The following SLC20A2 variants were observed in gnomAD, a reference collection of about 807,000 sequenced individuals.
SLC20A2 encodes solute carrier family 20 member 2, also known as sodium-dependent phosphate transporter 2.
In SLC20A2, 30 loss-of-function variants were observed where a neutral mutation model predicts 61.0. That is an observed-to-expected ratio of 0.49 (90% CI 0.37 to 0.67). The LOEUF (loss-of-function observed/expected upper bound fraction) is 0.67, where lower values mean the gene tolerates loss of function less well. Ranked by LOEUF, SLC20A2 falls within the 30% of genes least tolerant of loss-of-function variation. The pLI is 0.00. For missense variants in SLC20A2, 626 were observed against 866.4 expected (o/e 0.72, Z 3.48); for synonymous variants, 351 against 353.3 (o/e 0.99, Z 0.07).
chr8:42,424,027 A>G (rs1803223270), intron 10 of SLC20A2, among the ~76,000 whole-genome samples: 1 of 152,352 alleles, frequency 6.6e-6, no homozygotes, highest in Non-Finnish European at 1.5e-5. Context: ...ATCATCATCT[A>G]TGTCATCAGT....
intron 1 of SLC20A2, among the ~76,000 whole-genome samples, chr8:42,508,995 C>T (rs148996663): frequency 2.7e-3 from 405 of 152,322 alleles, no homozygotes; most frequent in African/African-American, 9.3e-3. Flanking sequence ...TACTTTCTCA[C>T]TGTGCCTTCA....
intron 1 of SLC20A2, among the ~76,000 whole-genome samples, chr8:42,527,745 G>C (rs1812067990): frequency 6.6e-6 from 1 of 151,800 alleles, no homozygotes; most frequent in Non-Finnish European, 1.5e-5. Flanking sequence ...TCCAGCTTGG[G>C]CAACAAGAGC....
upstream of SLC20A2, among the ~76,000 whole-genome samples, chr8:42,505,751 C>T (rs1810646592): frequency 6.6e-6 from 1 of 151,848 alleles, no homozygotes; most frequent in African/African-American, 2.4e-5. Flanking sequence ...CTTAGCCGGG[C>T]ACGGTCACAC....
intron 1 of SLC20A2, among the ~76,000 whole-genome samples, chr8:42,533,904 C>T (rs2131445807): frequency 6.6e-6 from 1 of 151,200 alleles, no homozygotes; most frequent in East Asian, 2.0e-4. Flanking sequence ...GTGATCTGCC[C>T]ACCTCGGCCT....
chr8:42,429,026 T>C lies in SLC20A2; in HGVS notation c.1710-184A>G, dbSNP rs183894152. Among the ~76,000 whole-genome samples, 279 of 152,290 alleles carry C rather than the reference T, an allele frequency of 1.8e-3. 1 individual carries two copies. Among genetic ancestry groups the C allele is most frequent in the African/African-American group, 6.4e-3 (267 of 41,558 alleles). Reference sequence around the variant, plus strand: ...ACAGCAATTCCCACCAAGGCTGCATTTTCCTGTGCATGGGCCCTCAGCAGC... The same window carrying C: ...ACAGCAATTCCCACCAAGGCTGCATCTTCCTGTGCATGGGCCCTCAGCAGC... On this transcript the variant is annotated intron_variant, in intron 9 of 10. Coordinates refer to ENST00000520262, the MANE Select transcript of SLC20A2 (RefSeq NM_001257180.2).
rs980801070 is a variant in SLC20A2 at position 42,520,870 on chromosome 8, G to A, written c.-265+20951C>T. ...CATTAAAAGGGATTCATTAAGAAAA[G>A]AAAATAATATTTGAGTACGTGTTGT... On this transcript the variant is annotated intron_variant, in intron 1 of 10. Transcript: ENST00000342228. Among the ~76,000 whole-genome samples the A allele has an allele frequency of 1.7e-5, 2 of 121,058 alleles. 1 individual carries two copies. The highest frequency in any genetic ancestry group is 4.0e-5 in the Non-Finnish European group (2 of 50,388). 79.4% of individuals were successfully genotyped at this position (121,058 alleles called of 152,430 possible).
intron 7 of SLC20A2, among the ~76,000 whole-genome samples, chr8:42,438,074 A>AAC (rs1804469424): frequency 6.8e-6 from 1 of 146,048 alleles, no homozygotes; most frequent in Non-Finnish European, 1.5e-5. Flanking sequence ...AAAAAAAAAA[A>AAC]AAAAAAAAAA....
chr8:42,467,770 C>T (rs533968758), intron 2 of SLC20A2, among the ~76,000 whole-genome samples: 5 of 152,270 alleles, frequency 3.3e-5, no homozygotes, highest in East Asian at 3.9e-4. Context: ...TCCATGGCAG[C>T]GCCAGGCCTA....
chr8:42,450,127 G>A (rs1805522804), intron 5 of SLC20A2, among the ~76,000 whole-genome samples: 1 of 151,838 alleles, frequency 6.6e-6, no homozygotes, highest in South Asian at 2.1e-4. Context: ...AAACAACTTA[G>A]TTGAGAAAAT....
At chr8:42,512,964 A>T (rs1811112929) in intron 1 of SLC20A2, among the ~76,000 whole-genome samples, 1 of 152,230 alleles carries the variant, frequency 6.6e-6, no homozygotes, top group Admixed American at 6.5e-5. Context: ...AGGAACGAAT[A>T]ACACAAAACA....
At chr8:42,494,541 T>C (rs1003896892) in intron 1 of SLC20A2, among the ~76,000 whole-genome samples, 2 of 152,206 alleles carry the variant, frequency 1.3e-5, no homozygotes, top group African/African-American at 4.8e-5. Context: ...CATACATAGG[T>C]GTGCCTTGCT....
chr8:42,537,350 G>A (rs1409962165), intron 1 of SLC20A2, among the ~76,000 whole-genome samples: 5 of 133,780 alleles, frequency 3.7e-5, no homozygotes, highest in Admixed American at 1.7e-4. Flanking sequence ...TAACCCGGGC[G>A]ACAGAGTGAG....
At chr8:42,496,760 T>C (rs972933958) in intron 1 of SLC20A2, among the ~76,000 whole-genome samples, 5 of 152,340 alleles carry the variant, frequency 3.3e-5, no homozygotes, top group African/African-American at 9.6e-5. Flanking sequence ...TCTATGTTGC[T>C]TCCTGCTCCT....
rs1807718494 is a variant in SLC20A2, at chr8:42,472,443, C to T, written c.-53G>A. On this transcript the variant is annotated 5_prime_UTR_variant, in exon 2 of 11. Transcript: ENST00000520262. The surrounding 1 kb of genome is among the most constrained non-coding windows in gnomAD (Gnocchi z 4.1). ...CTTTTGCAGGAATATTTTAAATAAA[C>T]AAAGCTTGAGGTTATAAACTTCGTA... The T allele has an allele frequency of 1.3e-6, 2 of 1,551,092 alleles. No individual in the cohort carries two copies. Among genetic ancestry groups the T allele is most frequent in the South Asian group, 1.2e-5 (1 of 84,730 alleles).
chr8:42,421,995 G>A (rs147654827), intron 10 of SLC20A2, among the ~76,000 whole-genome samples: 2,299 of 152,212 alleles, frequency 0.015, 26 homozygotes, highest in Admixed American at 0.024. Flanking sequence ...GCCCTGTCAC[G>A]AAGGGAGCCC....
intron 1 of SLC20A2, among the ~76,000 whole-genome samples, chr8:42,492,387 T>G (rs749691300): frequency 6.6e-6 from 1 of 152,166 alleles, no homozygotes; most frequent in South Asian, 2.1e-4. Flanking sequence ...GATCTGCCCA[T>G]GCAAGGTGTG....
chr8:42,511,837 T>A (rs1811051959), intron 1 of SLC20A2, among the ~76,000 whole-genome samples: 1 of 151,898 alleles, frequency 6.6e-6, no homozygotes, highest in South Asian at 2.1e-4. Flanking sequence ...TGAGTGTTCG[T>A]TTTCAAAGTA....
chr8:42,444,321 G>C (rs1398026712), intron 6 of SLC20A2, among the ~76,000 whole-genome samples: 1 of 152,160 alleles, frequency 6.6e-6, no homozygotes, highest in African/African-American at 2.4e-5. Context: ...AGCCATTCTT[G>C]TGAGTGGGAA....
At chr8:42,430,305 G>C (rs1350087665) in intron 8 of SLC20A2, 56 bp from the exon 9 acceptor site, 1 of 1,417,234 alleles carries the variant, frequency 7.1e-7, no homozygotes, top group African/African-American at 1.4e-5. Flanking sequence ...CAATGTACAT[G>C]ATACAGGTGA....
Sources: gnomAD v4.1 joint callset for allele counts (sites outside exome capture counted in the v4.1 genomes callset) on GRCh38, gnomAD v4.1.1 for gene constraint, Gnocchi (gnomAD v3.1) non-coding constraint, MANE v1.5 for transcripts, NCBI Gene and HGNC (gene_info 2026-07-23, HGNC 2026-07-21) for gene names.